SLC24A3: variants seen among roughly 807,000 people sequenced by gnomAD.
SLC24A3 encodes the protein solute carrier family 24 member 3, also known as sodium/potassium/calcium exchanger 3.
Under a neutral mutation model 75.8 loss-of-function variants are expected in SLC24A3, and 28 were observed. The observed-to-expected ratio is 0.37, with a 90% confidence interval of 0.27 to 0.51. The LOEUF is 0.51. Ranked by LOEUF, SLC24A3 falls within the 20% of genes least tolerant of loss-of-function variation. The pLI, the probability that SLC24A3 is intolerant of heterozygous loss-of-function variation, is 0.94. For synonymous variants in SLC24A3, 372 were observed against 334.1 expected, an observed-to-expected ratio of 1.11 and a Z score of -1.24; for missense variants, 663 against 847.8, an observed-to-expected ratio of 0.78 and a Z score of 2.71.
chr20:19,321,686 G>A (rs1301989369), intron 2 of SLC24A3, among the ~76,000 whole-genome samples: 2 of 152,202 alleles, frequency 1.3e-5, no homozygotes, highest in Non-Finnish European at 2.9e-5. Context: ...AGAGTGGATA[G>A]AAGATGCTGT....
At chr20:19,349,238 C>G (rs997507681) in intron 2 of SLC24A3, among the ~76,000 whole-genome samples, 1 of 152,208 alleles carries the variant, frequency 6.6e-6, no homozygotes, top group African/African-American at 2.4e-5. Flanking sequence ...CAGAATCGCT[C>G]CCTCAAGCAA....
chr20:19,714,527 C>T (rs1374782875), intron 15 of SLC24A3, among the ~76,000 whole-genome samples: 3 of 152,096 alleles, frequency 2.0e-5, no homozygotes, highest in Admixed American at 2.0e-4. Flanking sequence ...TGAAGGAGCC[C>T]TCATTCCTGC....
intron 11 of SLC24A3, among the ~76,000 whole-genome samples, chr20:19,684,685 A>T (rs2032653511): frequency 6.6e-6 from 1 of 152,222 alleles, no homozygotes; most frequent in Non-Finnish European, 1.5e-5. Flanking sequence ...AAAGTAATCC[A>T]GAGTCCCTGA....
At chr20:19,565,251 T>C (rs2030936392) in intron 3 of SLC24A3, among the ~76,000 whole-genome samples, 1 of 152,242 alleles carries the variant, frequency 6.6e-6, no homozygotes, top group African/African-American at 2.4e-5. Flanking sequence ...TCCACATGAA[T>C]TCTCTTTCCT....
At chr20:19,546,182 A>AAAAAAAAAAAAAAAAAAAC (rs1283634511) in intron 3 of SLC24A3, among the ~76,000 whole-genome samples, 3 of 140,228 alleles carry the variant, frequency 2.1e-5, no homozygotes, top group African/African-American at 5.1e-5. Context: ...AAAAAAAAAA[A>AAAAAAAAAAAAAAAAAAAC]AAAAAACCAG....
intron 3 of SLC24A3, among the ~76,000 whole-genome samples, chr20:19,561,366 G>T (rs962818051): frequency 6.6e-6 from 1 of 152,106 alleles, no homozygotes; most frequent in Non-Finnish European, 1.5e-5. Context: ...CCTGATGACC[G>T]CTGGGGAATC....
intron 3 of SLC24A3, among the ~76,000 whole-genome samples, chr20:19,569,768 C>A (rs1041138186): frequency 6.6e-6 from 1 of 152,184 alleles, no homozygotes; most frequent in African/African-American, 2.4e-5. Flanking sequence ...CCACACTTAC[C>A]AGGCTGCAGC....
intron 7 of SLC24A3, among the ~76,000 whole-genome samples, chr20:19,663,748 A>C (rs752225237): frequency 6.6e-6 from 1 of 151,932 alleles, no homozygotes; most frequent in Non-Finnish European, 1.5e-5. Flanking sequence ...ATTTTGTCCA[A>C]TCTCACCCGG....
intron 2 of SLC24A3, among the ~76,000 whole-genome samples, chr20:19,343,085 GAAAAAA>G (rs1985310615): frequency 7.4e-6 from 1 of 134,870 alleles, no homozygotes; most frequent in Non-Finnish European, 1.6e-5. Flanking sequence ...AAAAAAAAAA[GAAAAAA>G]GAAAAAGAAA....
chr20:19,697,886 C>T (rs1402477183), intron 14 of SLC24A3, among the ~76,000 whole-genome samples: 2 of 152,264 alleles, frequency 1.3e-5, no homozygotes, highest in East Asian at 3.9e-4. Context: ...TCTCCAGAAT[C>T]CTTGAAACCA....
intron 6 of SLC24A3, among the ~76,000 whole-genome samples, chr20:19,593,646 A>G (rs6046201): frequency 0.8 from 121,950 of 152,154 alleles, 49,157 homozygotes; most frequent in African/African-American, 0.86. Context: ...GGCTGCAGGG[A>G]TACAGCTAAA....
intron 15 of SLC24A3, among the ~76,000 whole-genome samples, chr20:19,705,506 T>C (rs2032920208): frequency 6.6e-6 from 1 of 152,188 alleles, no homozygotes; most frequent in African/African-American, 2.4e-5. Flanking sequence ...CTTGAGAGCA[T>C]TTTGATCTGC....
chr20:19,714,405 TAAAAAAAAAAAA>T (rs1176209950), intron 15 of SLC24A3, among the ~76,000 whole-genome samples: 1 of 50,784 alleles, frequency 2.0e-5, no homozygotes, highest in Non-Finnish European at 3.7e-5. Flanking sequence ...ACCCAGTCTC[TAAAAAAAAAAAA>T]AAAAAAAAAC....
intron 3 of SLC24A3, among the ~76,000 whole-genome samples, chr20:19,567,535 G>A (rs1195299669): frequency 1.3e-5 from 2 of 152,134 alleles, no homozygotes; most frequent in Non-Finnish European, 2.9e-5. Context: ...GGTGAGGATT[G>A]AAAAACTACC....
intron 2 of SLC24A3, among the ~76,000 whole-genome samples, chr20:19,299,066 G>A (rs1383024520): frequency 6.6e-6 from 1 of 152,184 alleles, no homozygotes; most frequent in East Asian, 1.9e-4. Context: ...AGCCGGCACT[G>A]CCAGTCATTG....
intron 2 of SLC24A3, among the ~76,000 whole-genome samples, chr20:19,417,845 C>G (rs891002984): frequency 7.9e-5 from 12 of 152,154 alleles, no homozygotes; most frequent in African/African-American, 2.9e-4. Context: ...AAGTGAAACT[C>G]TACATACTGA....
chr20:19,528,830 A>G (rs1427916154), intron 3 of SLC24A3, among the ~76,000 whole-genome samples: 1 of 152,180 alleles, frequency 6.6e-6, no homozygotes, highest in Non-Finnish European at 1.5e-5. Context: ...AATGCTTTTT[A>G]GCATCAGAAG....
chr20:19,602,702 A>C (rs1224234856), intron 6 of SLC24A3, among the ~76,000 whole-genome samples: 1 of 152,230 alleles, frequency 6.6e-6, no homozygotes, highest in African/African-American at 2.4e-5. Flanking sequence ...CTTCACAAGC[A>C]TCAACATCTA....
chr20:19,559,777 T>C (rs1385906753), intron 3 of SLC24A3, among the ~76,000 whole-genome samples: 3 of 152,156 alleles, frequency 2.0e-5, no homozygotes, highest in Non-Finnish European at 4.4e-5. Context: ...TTTTTTATCA[T>C]AAATATTCAT....
Sources: allele counts gnomAD v4.1 joint callset (sites outside exome capture counted in the v4.1 genomes callset), GRCh38; gene constraint gnomAD v4.1.1; transcripts MANE v1.5; gene names NCBI Gene and HGNC (gene_info 2026-07-23, HGNC 2026-07-21).